The following CNTNAP4 variants were observed in gnomAD, a reference collection of about 807,000 sequenced individuals.
The protein encoded by CNTNAP4 is contactin associated protein family member 4.
CNTNAP4 carries 98 observed loss-of-function variants against 148.4 expected under a neutral mutation model. The ratio of observed to expected loss-of-function variants is 0.66; its 90% confidence interval spans 0.56 to 0.78. The LOEUF (loss-of-function observed/expected upper bound fraction) is 0.78. Ranked by LOEUF, CNTNAP4 falls within the 30% of genes least tolerant of loss-of-function variation. The pLI is 0.00. For missense variants in CNTNAP4, 1,935 were observed against 1,565.6 expected, an observed-to-expected ratio of 1.24 and a Z score of -3.98; for synonymous variants, 730 against 565.1, an observed-to-expected ratio of 1.29 and a Z score of -4.14.
chr16:76,385,578 A>G (rs1358330938), intron 3 of CNTNAP4, among the ~76,000 whole-genome samples: 5 of 140,294 alleles, frequency 3.6e-5, no homozygotes, highest in East Asian at 4.5e-4. Context: ...GTGTGTGTGT[A>G]GAGAGAGTGA....
intron 21 of CNTNAP4, among the ~76,000 whole-genome samples, chr16:76,544,934 C>G (rs974784064): frequency 3.3e-5 from 5 of 152,154 alleles, no homozygotes; most frequent in African/African-American, 9.7e-5. Context: ...CTCTGATGAG[C>G]TATAAGAGAA....
At chr16:76,483,039 T>C (rs1251397400) in intron 12 of CNTNAP4, among the ~76,000 whole-genome samples, 1 of 124,442 alleles carries the variant, frequency 8.0e-6, no homozygotes, top group Non-Finnish European at 1.8e-5. Context: ...AATGTTTTAT[T>C]ATTTTTTTTC....
At chr16:76,290,403 T>G (rs1303437474) in intron 1 of CNTNAP4, among the ~76,000 whole-genome samples, 1 of 152,162 alleles carries the variant, frequency 6.6e-6, no homozygotes, top group Non-Finnish European at 1.5e-5. Flanking sequence ...TGCTCATTCC[T>G]TCCTCTTTTT....
chr16:76,426,881 A>G (rs1044811632), intron 3 of CNTNAP4, among the ~76,000 whole-genome samples: 1 of 152,128 alleles, frequency 6.6e-6, no homozygotes, highest in Non-Finnish European at 1.5e-5. Context: ...TTCCCTTCAC[A>G]ATTTGAATGT....
intron 3 of CNTNAP4, among the ~76,000 whole-genome samples, chr16:76,357,466 T>G (rs377328056): frequency 1.9e-3 from 291 of 152,338 alleles, no homozygotes; most frequent in African/African-American, 6.7e-3. Flanking sequence ...ATGATATCCT[T>G]ACTAGTCCAA....
Position 76,538,134 on chromosome 16 carries a change from G to T in CNTNAP4, c.3014G>T (p.Gly1005Val). The T allele has an allele frequency of 6.7e-7, 1 of 1,498,648 alleles. No individual in the cohort carries two copies. The highest frequency in any genetic ancestry group is 2.4e-5 in the East Asian group (1 of 41,142). The allele number at this position is 1,498,648 out of a possible 1,614,324, so 92.8% of individuals were successfully genotyped here. The change falls in exon 19 of 24, where the codon GGA becomes GTA. Residue 1005 changes from glycine to valine, a missense_variant. By Grantham distance (109) the Gly-to-Val change is moderately radical. Transcript: ENST00000611870. ...FCSNEISAYF[G>V]SGSSVIYNFQ... Reference sequence around the variant, plus strand: ...ATTTCAGAGATTTCTGCATATTTTGGATCTGGCTCATCCGTGATATACAAT... The same window carrying T: ...ATTTCAGAGATTTCTGCATATTTTGTATCTGGCTCATCCGTGATATACAAT...
chr16:76,410,396 T>C lies in CNTNAP4; in HGVS notation c.391-17056T>C, dbSNP rs557920905. ...TGTATTAAAGCCTTCAAGCTTTCTC[T>C]GTTCTTGTTTCATTTATCTATATCA... On this transcript the variant is annotated intron_variant, in intron 3 of 23. Coordinates refer to ENST00000611870, the MANE Select transcript of CNTNAP4 (RefSeq NM_033401.5). 2.0e-5 allele frequency among the ~76,000 whole-genome samples: 3 copies of C among 151,930 alleles called. No individual in the cohort carries two copies. In the East Asian group the frequency reaches 5.8e-4, roughly 29 times the overall value.
chr16:76,310,863 TA>T (rs899299482), intron 1 of CNTNAP4, among the ~76,000 whole-genome samples: 2 of 152,086 alleles, frequency 1.3e-5, no homozygotes, highest in African/African-American at 4.8e-5. Context: ...TGGTTCAGAA[TA>T]GAAGATCTGG....
At chr16:76,336,456 A>G (rs1374277518) in intron 2 of CNTNAP4, among the ~76,000 whole-genome samples, 4 of 152,206 alleles carry the variant, frequency 2.6e-5, no homozygotes, top group African/African-American at 9.6e-5. Context: ...CAAAAGAAAA[A>G]GTTATTAAAC....
intron 3 of CNTNAP4, among the ~76,000 whole-genome samples, chr16:76,364,099 T>C (rs927767081): frequency 1.3e-5 from 2 of 151,854 alleles, no homozygotes; most frequent in Admixed American, 1.3e-4. Flanking sequence ...TAGCTGGGCA[T>C]GGTGGTGCAC....
intron 1 of CNTNAP4, among the ~76,000 whole-genome samples, chr16:76,315,740 G>A (rs989496224): frequency 3.9e-5 from 6 of 152,024 alleles, no homozygotes; most frequent in South Asian, 4.1e-4. Context: ...GACTACAGGC[G>A]TGTGCCACCA....
chr16:76,433,507 A>G (rs1386099482), intron 4 of CNTNAP4, among the ~76,000 whole-genome samples: 1 of 152,202 alleles, frequency 6.6e-6, no homozygotes, highest in African/African-American at 2.4e-5. Flanking sequence ...AATAAACTAT[A>G]AAGTTGGAAT....
chr16:76,425,540 AT>A (rs1208035199), intron 3 of CNTNAP4, among the ~76,000 whole-genome samples: 4 of 152,034 alleles, frequency 2.6e-5, no homozygotes, highest in African/African-American at 7.2e-5. Context: ...AATAAGAGAA[AT>A]CCCTCTTAAA....
At chr16:76,487,096 C>G (rs975776034) in intron 12 of CNTNAP4, among the ~76,000 whole-genome samples, 2 of 152,138 alleles carry the variant, frequency 1.3e-5, no homozygotes, top group Non-Finnish European at 2.9e-5. Flanking sequence ...CAGGGCCCAG[C>G]ACAGTTTCAG....
At chr16:76,298,077 C>G (rs1049773667) in intron 1 of CNTNAP4, among the ~76,000 whole-genome samples, 1 of 152,126 alleles carries the variant, frequency 6.6e-6, no homozygotes, top group African/African-American at 2.4e-5. Context: ...TACATCTTCC[C>G]CATCTCTTTT....
intron 3 of CNTNAP4, among the ~76,000 whole-genome samples, chr16:76,365,210 C>T (rs1444919426): frequency 6.6e-6 from 1 of 152,068 alleles, no homozygotes; most frequent in Non-Finnish European, 1.5e-5. Flanking sequence ...TTTCTGAGGC[C>T]TCTGTTCTGT....
chr16:76,406,051 A>G (rs1250598912), intron 3 of CNTNAP4, among the ~76,000 whole-genome samples: 1 of 152,010 alleles, frequency 6.6e-6, no homozygotes, highest in Non-Finnish European at 1.5e-5. Flanking sequence ...CTATGTCTGT[A>G]CAAAAAATAC....
chr16:76,377,061 C>T (rs973716194), intron 3 of CNTNAP4, among the ~76,000 whole-genome samples: 2 of 151,970 alleles, frequency 1.3e-5, no homozygotes, highest in African/African-American at 4.8e-5. Flanking sequence ...GCAGGGTAGG[C>T]TGGCAGGCTT....
rs2085318537 is a variant in CNTNAP4, at chr16:76,559,128, C to G, written c.*445C>G. The G allele has an allele frequency of 6.6e-6, 1 of 152,522 alleles. No individual in the cohort carries two copies. The highest frequency in any genetic ancestry group is 1.5e-5 in the Non-Finnish European group (1 of 68,304). 9.4% of individuals were successfully genotyped at this position (152,522 alleles called of 1,614,324 possible). A position where few individuals can be genotyped will look rare whatever the true frequency, so the allele number is the denominator to read the frequency against. ...TATTCATAGACCTGGAAATGCTTCT[C>G]AGATCCTGTGTGGCCGGTGTTTGCA... is the stretch of plus-strand genomic sequence containing the variant. On this transcript the variant is annotated 3_prime_UTR_variant, in exon 24 of 24. Coordinates refer to ENST00000611870, the MANE Select transcript of CNTNAP4 (RefSeq NM_033401.5).
Sources: allele counts gnomAD v4.1 joint callset (sites outside exome capture counted in the v4.1 genomes callset), GRCh38; gene constraint gnomAD v4.1.1; transcripts MANE v1.5; gene names NCBI Gene and HGNC (gene_info 2026-07-23, HGNC 2026-07-21).